KIF26A: variants seen among roughly 807,000 people sequenced by gnomAD.
KIF26A encodes the protein kinesin-like protein KIF26A.
Under a neutral mutation model 126.0 loss-of-function variants are expected in KIF26A, and 74 were observed. That is an observed-to-expected ratio of 0.59 (90% CI 0.49 to 0.71). The LOEUF is 0.71. KIF26A is among the 30% of genes least tolerant of loss of function. KIF26A has a pLI of 0.00. For synonymous variants in KIF26A, 1,445 were observed against 1,232.7 expected, an observed-to-expected ratio of 1.17 and a Z score of -3.61; for missense variants, 2,984 against 2,763.3, an observed-to-expected ratio of 1.08 and a Z score of -1.79.
Position 104,177,402 on chromosome 14 carries a change from A to G in KIF26A, c.4614A>G (p.Pro1538=). 6.7e-7 allele frequency: 1 copy of G among 1,494,392 alleles called. No homozygotes were observed. The highest frequency in any genetic ancestry group is 8.9e-7 in the Non-Finnish European group (1 of 1,125,976). The allele number at this position is 1,494,392 out of a possible 1,614,324, so 92.6% of individuals were successfully genotyped here. Residue 1538 remains proline (P), a synonymous_variant, in exon 12 of 15, where the codon CCA becomes CCG. Coordinates refer to ENST00000423312, the MANE Select transcript of KIF26A (RefSeq NM_015656.2). ...CTGTGGCCGGTCCCAGAGCAGCCCC[A>G]CGGGCCGGGCCCAGTGTCGGGGCGA... The part of the protein sequence containing the change: ...GGPVAGPRAA[P]RAGPSVGAKA...
In KIF26A at chr14:104,175,933, G is replaced by A; in HGVS notation, c.3145G>A (p.Gly1049Arg). Reference protein sequence around the residue: ...ELSLGALAGAGRPTSLASFDS... With the variant: ...ELSLGALAGARRPTSLASFDS... ...GTCCCTGGGGGCGCTTGCCGGAGCT[G>A]GGCGGCCCACCAGCCTGGCTAGCTT... Residue 1049 changes from glycine (G) to arginine (R), a missense_variant, in exon 12 of 15, where the codon GGG becomes AGG. Gly to Arg is a moderately radical substitution (Grantham distance 125, BLOSUM62 -2). Transcript: ENST00000423312. 6.4e-7 allele frequency: 1 copy of A among 1,556,820 alleles called. No individual in the cohort carries two copies. Among genetic ancestry groups the A allele is most frequent in the Non-Finnish European group, 8.6e-7 (1 of 1,157,072 alleles).
In KIF26A at chr14:104,151,909, A is replaced by G. The variant is rs2037732849; in HGVS notation, c.289-106A>G. The G allele has an allele frequency of 1.1e-6, 1 of 916,376 alleles. No individual in the cohort carries two copies. Among genetic ancestry groups the G allele is most frequent in the East Asian group, 2.5e-5 (1 of 40,116 alleles). The allele number at this position is 916,376 out of a possible 1,614,324, so 56.8% of individuals were successfully genotyped here. ...ATCTGTTACGGATGGTGCGGTGGCC[A>G]GGCGGGAGCTCGCAGCGTCATGGAC... is the stretch of plus-strand genomic sequence containing the variant. On this transcript the variant is annotated intron_variant, in intron 2 of 14. Transcript: ENST00000423312. This position sits in a 1 kb window ranked among gnomAD's most constrained non-coding sequence, Gnocchi z 4.9.
Position 104,151,329 on chromosome 14 carries a change from G to A in KIF26A, c.289-686G>A, listed in dbSNP as rs958504570. On this transcript the variant is annotated intron_variant, in intron 2 of 14. Transcript: ENST00000423312. This position sits in a 1 kb window ranked among gnomAD's most constrained non-coding sequence, Gnocchi z 4.9. ...TCCCCCCAGTTCAGGGAAGGGGGCA[G>A]TCACCAAACAGGGTGCATCCCAGCG... Among the ~76,000 whole-genome samples, 4 of 152,144 alleles carry A rather than the reference G, an allele frequency of 2.6e-5. No individual in the cohort carries two copies. The highest frequency in any genetic ancestry group is 9.6e-5 in the African/African-American group (4 of 41,516).
At chr14:104,171,998 T>C in intron 6 of KIF26A, 63 bp downstream of exon 6, 2 of 1,458,086 alleles carry the variant, frequency 1.4e-6, no homozygotes, top group Non-Finnish European at 1.9e-6. Context: ...GCTCAGCACA[T>C]GGGTCCGATC....
At position 104,147,371 on chromosome 14, in the gene KIF26A, C is replaced by T. The variant is rs574868835; in HGVS notation, c.289-4644C>T. Among the ~76,000 whole-genome samples the T allele has an allele frequency of 2.6e-5, 4 of 152,314 alleles. No individual in the cohort carries two copies. In the South Asian group the frequency reaches 8.3e-4, roughly 32 times the overall value. On this transcript the variant is annotated intron_variant, in intron 2 of 14. Transcript: ENST00000423312. ...GGCACAGGCCCTTGGGGATGGCGTGCCGGCCAGTGCTGGGTGGACTGGGTT... is the reference window on the plus strand; with the variant it reads ...GGCACAGGCCCTTGGGGATGGCGTGTCGGCCAGTGCTGGGTGGACTGGGTT...
chr14:104,176,402 C>T lies in KIF26A; in HGVS notation c.3614C>T (p.Thr1205Ile). The T allele has an allele frequency of 6.3e-7, 1 of 1,591,226 alleles. No homozygotes were observed. ...GPSRWASAAQTIHSSLPRKPR... is the reference protein window; with the variant it reads ...GPSRWASAAQIIHSSLPRKPR... ...TCGCGGTGGGCATCCGCAGCCCAGACCATCCACTCCAGCCTCCCCCGGAAA... is the reference window on the plus strand; with the variant it reads ...TCGCGGTGGGCATCCGCAGCCCAGATCATCCACTCCAGCCTCCCCCGGAAA... Residue 1205 changes from threonine to isoleucine, a missense_variant, in exon 12 of 15, where the codon ACC becomes ATC. Physicochemically the swap from Thr to Ile is moderately conservative, Grantham distance 89. Coordinates refer to ENST00000423312, the MANE Select transcript of KIF26A (RefSeq NM_015656.2).
At chr14:104,165,662 T>C (rs1247501055) in intron 4 of KIF26A, among the ~76,000 whole-genome samples, 1 of 145,068 alleles carries the variant, frequency 6.9e-6, no homozygotes, top group Non-Finnish European at 1.5e-5. Context: ...TGTGTGTGTA[T>C]CTGTGTTTCT....
rs1019422312 is a variant in KIF26A at position 104,152,779 on chromosome 14, C to T, written c.735+318C>T. On this transcript the variant is annotated intron_variant, in intron 3 of 14. Coordinates refer to ENST00000423312, the MANE Select transcript of KIF26A (RefSeq NM_015656.2). This position sits in a 1 kb window ranked among gnomAD's most constrained non-coding sequence, Gnocchi z 5.9. The stretch of plus-strand genomic sequence containing the variant: ...CAGGGCTTGGCGATGCACAGGGCAC[C>T]GTGTGTAGATCGGGGCTCACGAGGC... Among the ~76,000 whole-genome samples the T allele has an allele frequency of 1.3e-5, 2 of 152,136 alleles. No homozygotes were observed. Among genetic ancestry groups the T allele is most frequent in the Admixed American group, 1.3e-4 (2 of 15,278 alleles).
At chr14:104,164,882 TG>T in intron 4 of KIF26A, among the ~76,000 whole-genome samples, 1 of 147,516 alleles carries the variant, frequency 6.8e-6, no homozygotes, top group South Asian at 2.2e-4. Context: ...TGTGTCTCTC[TG>T]TATATGTGTC....
chr14:104,158,277 TTTCCTCCCGTCAGCTGGGCTC>T (rs2037801930), intron 4 of KIF26A, among the ~76,000 whole-genome samples: 1 of 152,226 alleles, frequency 6.6e-6, no homozygotes, highest in Non-Finnish European at 1.5e-5. Flanking sequence ...TGTGCCTCAG[TTTCCTCCCGTCAGCTGGGCTC>T]TTCCTCATAG....
At chr14:104,174,749 C>T (rs572179175) in intron 11 of KIF26A, among the ~76,000 whole-genome samples, 96 of 152,312 alleles carry the variant, frequency 6.3e-4, no homozygotes, top group African/African-American at 2.0e-3. Flanking sequence ...CTTCCCGTTC[C>T]CTCCCAGCGC....
intron 2 of KIF26A, among the ~76,000 whole-genome samples, chr14:104,139,665 T>C (rs1021952963): frequency 6.6e-6 from 1 of 152,152 alleles, no homozygotes; most frequent in Non-Finnish European, 1.5e-5. Context: ...ATTTGGTGCA[T>C]TGTGGCCCTT....
rs150921368 is a variant in KIF26A at position 104,162,189 on chromosome 14, C to T, written c.923+4247C>T. 9.9e-5 allele frequency among the ~76,000 whole-genome samples: 15 copies of T among 152,262 alleles called. No individual in the cohort carries two copies. The East Asian group carries it at 2.7e-3, about 27-fold the overall frequency. On this transcript the variant is annotated intron_variant, in intron 4 of 14. Transcript: ENST00000423312. The stretch of plus-strand genomic sequence containing the variant: ...GAGGTAAGCCCGTAAAAGCAGGCAC[C>T]GGGAGGGCCCAGCAGGCTGGGGTGC...
chr14:104,178,487 G>T (rs922344892), intron 12 of KIF26A, 63 bp from the exon 13 acceptor site: 29 of 1,285,456 alleles, frequency 2.3e-5, no homozygotes, highest in Admixed American at 3.3e-5. Flanking sequence ...CAGCGTCCCC[G>T]CAGGGGCTGT....
chr14:104,155,206 C>T (rs1471706499), intron 3 of KIF26A, among the ~76,000 whole-genome samples: 1 of 152,188 alleles, frequency 6.6e-6, no homozygotes, highest in Non-Finnish European at 1.5e-5. Flanking sequence ...AAAATAGCAC[C>T]CAGTGAGGTG....
At position 104,157,923 on chromosome 14, in the gene KIF26A, G is replaced by T. The variant is rs769661864; in HGVS notation, c.904G>T (p.Ala302Ser). Reference protein sequence around the residue: ...SVGGSTGPSAAASFFIRAMQK... With the variant: ...SVGGSTGPSASASFFIRAMQK... ...GGGGGGCTCCACAGGCCCCTCAGCTGCAGCCTCCTTCTTCATAAGGTATGT... is the reference window on the plus strand; with the variant it reads ...GGGGGGCTCCACAGGCCCCTCAGCTTCAGCCTCCTTCTTCATAAGGTATGT... The change falls in exon 4 of 15, where the codon GCA becomes TCA. Residue 302 changes from alanine (A) to serine (S), a missense_variant. Transcript: ENST00000423312. 68 of 1,517,624 alleles carry T rather than the reference G, an allele frequency of 4.5e-5. No individual in the cohort carries two copies. The African/African-American group carries it at 8.8e-4, about 20-fold the overall frequency. 94.0% of individuals were successfully genotyped at this position (1,517,624 alleles called of 1,614,324 possible).
chr14:104,173,616 G>A, intron 9 of KIF26A, 90 bp from the exon 10 acceptor site: 1 of 1,538,434 alleles, frequency 6.5e-7, no homozygotes, highest in South Asian at 1.2e-5. Flanking sequence ...TGTCCCTGGG[G>A]TTGTCCCCAG....
Position 104,175,783 on chromosome 14 carries a change from T to C in KIF26A, c.2995T>C (p.Cys999Arg), listed in dbSNP as rs1270740390. 2 of 1,535,846 alleles carry C rather than the reference T, an allele frequency of 1.3e-6. No homozygotes were observed. Among genetic ancestry groups the C allele is most frequent in the Non-Finnish European group, 1.7e-6 (2 of 1,145,474 alleles). Reference sequence around the variant, plus strand: ...GTCCCCGATGCTTCCTGGGGCCACCTGCCCCCGCCTGGCTGCTGGCAGTCG... The same window carrying C: ...GTCCCCGATGCTTCCTGGGGCCACCCGCCCCCGCCTGGCTGCTGGCAGTCG... ...AGSPMLPGATCPRLAAGSRCP... is the reference protein window; with the variant it reads ...AGSPMLPGATRPRLAAGSRCP... The change falls in exon 12 of 15, where the codon TGC becomes CGC. Residue 999 changes from cysteine to arginine, a missense_variant. Coordinates refer to ENST00000423312, the MANE Select transcript of KIF26A (RefSeq NM_015656.2).
At chr14:104,173,679 C>T (rs768669894) in intron 9 of KIF26A, 27 bp from the exon 10 acceptor site, 2 of 1,608,184 alleles carry the variant, frequency 1.2e-6, no homozygotes, top group South Asian at 2.2e-5. Context: ...CTGGCTACAC[C>T]ATCATTTGCT....
Sources: allele counts gnomAD v4.1 joint callset (sites outside exome capture counted in the v4.1 genomes callset), GRCh38; gene constraint gnomAD v4.1.1; non-coding constraint Gnocchi (gnomAD v3.1); transcripts MANE v1.5; gene names NCBI Gene and HGNC (gene_info 2026-07-23, HGNC 2026-07-21).